DPP6: variants seen among roughly 807,000 people sequenced by gnomAD.
DPP6 encodes the protein dipeptidyl peptidase like 6, also known as A-type potassium channel modulatory protein DPP6.
A neutral mutation model predicts 122.6 loss-of-function variants in DPP6; 69 were observed. That is an observed-to-expected ratio of 0.56 (90% confidence interval 0.46 to 0.69). The LOEUF (loss-of-function observed/expected upper bound fraction) is 0.69, where lower values mean the gene tolerates loss of function less well. Among genes scored for constraint, DPP6 ranks in the 30% least tolerant of loss-of-function variants. DPP6 has a pLI of 0.00. For synonymous variants in DPP6, 418 were observed against 433.1 expected, an observed-to-expected ratio of 0.97 and a Z score of 0.43; for missense variants, 928 against 1,116.9, an observed-to-expected ratio of 0.83 and a Z score of 2.41.
At chr7:154,405,307 T>C (rs1586177277) in intron 1 of DPP6, among the ~76,000 whole-genome samples, 1 of 152,188 alleles carries the variant, frequency 6.6e-6, no homozygotes, top group Admixed American at 6.5e-5. Flanking sequence ...TGGTTTGTTT[T>C]TGGATAAAAG....
chr7:154,407,598 A>G (rs1023439985), intron 1 of DPP6, among the ~76,000 whole-genome samples: 14 of 152,320 alleles, frequency 9.2e-5, no homozygotes, highest in Admixed American at 2.0e-4. Context: ...TGGCCCTTAC[A>G]GTTCATTTTC....
chr7:154,553,692 A>G (rs556715352), intron 4 of DPP6, among the ~76,000 whole-genome samples: 2 of 152,276 alleles, frequency 1.3e-5, no homozygotes, highest in Non-Finnish European at 2.9e-5. Flanking sequence ...TAGACTGCAT[A>G]CATAATCCAG....
intron 4 of DPP6, among the ~76,000 whole-genome samples, chr7:154,544,740 T>A (rs1014201473): frequency 6.6e-6 from 1 of 152,154 alleles, no homozygotes; most frequent in Non-Finnish European, 1.5e-5. Flanking sequence ...TAGGACTGAA[T>A]TACAGTTGTA....
chr7:154,648,311 T>C lies in DPP6; in HGVS notation c.680+10438T>C, dbSNP rs559989831. 3.2e-4 allele frequency among the ~76,000 whole-genome samples: 48 copies of C among 151,282 alleles called. 1 individual carries two copies. Among genetic ancestry groups the C allele is most frequent in the African/African-American group, 1.1e-3 (44 of 41,330 alleles). On this transcript the variant is annotated intron_variant, in intron 6 of 25. Transcript: ENST00000377770. ...CTGAGCCCCTCGCAAGTGCCAGGCC[T>C]GATGCGAAGCACTGGGGATGGATAG...
At position 154,385,096 on chromosome 7, in the gene DPP6, G is replaced by A. The variant is rs566806434; in HGVS notation, c.244-61118G>A. ...CGCCATTCTCCTGCCTCAGCCTCCC[G>A]GTAGCTGGGACTACAGGTGCCCGCC... On this transcript the variant is annotated intron_variant, in intron 1 of 25. Transcript: ENST00000377770. Among the ~76,000 whole-genome samples the A allele has an allele frequency of 1.6e-4, 25 of 152,012 alleles. No homozygotes were observed. The East Asian group carries it at 3.9e-3, about 24-fold the overall frequency.
chr7:154,248,653 A>G (rs62485760), intron 1 of DPP6, among the ~76,000 whole-genome samples: 33,642 of 152,088 alleles, frequency 0.22, 3,955 homozygotes, highest in African/African-American at 0.23. Context: ...ATCACTTGAC[A>G]TCAGGAGTCT....
At chr7:154,753,649 C>A (rs1843511507) in intron 8 of DPP6, among the ~76,000 whole-genome samples, 1 of 152,112 alleles carries the variant, frequency 6.6e-6, no homozygotes, top group African/African-American at 2.4e-5. Context: ...TCATGCAGTC[C>A]CCACAGCGAC....
chr7:153,977,785 C>G (rs1272408764), intron 1 of DPP6, among the ~76,000 whole-genome samples: 1 of 152,126 alleles, frequency 6.6e-6, no homozygotes, highest in Non-Finnish European at 1.5e-5. Context: ...CAACTCCCAC[C>G]TATGAGTGAG....
intron 1 of DPP6, among the ~76,000 whole-genome samples, chr7:153,906,699 G>A (rs1011540296): frequency 4.6e-5 from 7 of 152,160 alleles, no homozygotes; most frequent in Admixed American, 1.3e-4. Context: ...CAATCCACCC[G>A]CTTCAGGCAG....
chr7:154,305,663 A>G (rs2150987470), intron 1 of DPP6: 1 of 1,444,600 alleles, frequency 6.9e-7, no homozygotes, highest in African/African-American at 1.4e-5. Flanking sequence ...TATTTGGGGA[A>G]GAATTTTGTA....
the DPP6 span, among the ~76,000 whole-genome samples, chr7:153,806,075 C>G: frequency 6.6e-5 from 10 of 151,940 alleles, no homozygotes; most frequent in African/African-American, 2.4e-4. Flanking sequence ...ACATATCTGA[C>G]GTCAGGAAGA....
chr7:154,890,428 G>A (rs1806498457), intron 25 of DPP6: 1 of 152,312 alleles, frequency 6.6e-6, no homozygotes, highest in African/African-American at 2.4e-5. Flanking sequence ...AGGGGCAGAA[G>A]GACGGGGTTA....
At chr7:154,561,596 A>T (rs187272652) in intron 4 of DPP6, among the ~76,000 whole-genome samples, 1 of 152,362 alleles carries the variant, frequency 6.6e-6, no homozygotes, top group East Asian at 1.9e-4. Flanking sequence ...TTAAAGGGGA[A>T]TTTATATCTT....
At chr7:153,971,179 T>G (rs1795998625) in intron 1 of DPP6, among the ~76,000 whole-genome samples, 1 of 152,146 alleles carries the variant, frequency 6.6e-6, no homozygotes. Context: ...TCACTGAGAT[T>G]ATATTTTTAA....
At chr7:154,304,670 G>A (rs1806137082) in intron 1 of DPP6, among the ~76,000 whole-genome samples, 1 of 151,888 alleles carries the variant, frequency 6.6e-6, no homozygotes, top group African/African-American at 2.4e-5. Context: ...TGATTCTAAC[G>A]ATGGAACATA....
At chr7:154,880,716 G>C (rs538192361) in intron 20 of DPP6, among the ~76,000 whole-genome samples, 172 bp from the exon 21 acceptor site, 11 of 152,290 alleles carry the variant, frequency 7.2e-5, no homozygotes, top group Non-Finnish European at 1.2e-4. Flanking sequence ...TGCTGACTTG[G>C]CACTAAATAA....
intron 17 of DPP6, among the ~76,000 whole-genome samples, chr7:154,860,991 G>A (rs904003245): frequency 1.8e-4 from 28 of 152,228 alleles, no homozygotes; most frequent in Middle Eastern, 3.4e-3. Context: ...ATGAAGGAAA[G>A]TAAATGTTAA....
chr7:154,270,874 G>A (rs1393450287), intron 1 of DPP6, among the ~76,000 whole-genome samples: 1 of 152,132 alleles, frequency 6.6e-6, no homozygotes, highest in African/African-American at 2.4e-5. Flanking sequence ...CCACGCCTCA[G>A]CCCCTGTGTC....
At chr7:154,596,971 G>A (rs1833130560) in intron 5 of DPP6, among the ~76,000 whole-genome samples, 1 of 152,190 alleles carries the variant, frequency 6.6e-6, no homozygotes, top group South Asian at 2.1e-4. Context: ...TGTCACCCAG[G>A]TGGTTATATA....
Sources: gnomAD v4.1 joint callset for allele counts (sites outside exome capture counted in the v4.1 genomes callset) on GRCh38, gnomAD v4.1.1 for gene constraint, MANE v1.5 for transcripts, NCBI Gene and HGNC (gene_info 2026-07-23, HGNC 2026-07-21) for gene names.